The following VWC2 variants were observed in gnomAD, a reference collection of about 807,000 sequenced individuals.
The protein encoded by VWC2 is von Willebrand factor C domain containing 2.
A neutral mutation model predicts 29.8 loss-of-function variants in VWC2; 14 were observed. The ratio of observed to expected loss-of-function variants is 0.47; its 90% CI spans 0.31 to 0.74. VWC2 has a LOEUF of 0.74. VWC2 is among the 30% of genes least tolerant of loss of function. The probability of loss-of-function intolerance (pLI) is 0.05; values close to 1 mark genes in which losing one functional copy is unlikely to be tolerated. For synonymous variants in VWC2, 213 were observed against 199.0 expected, an observed-to-expected ratio of 1.07 and a Z score of -0.59; for missense variants, 457 against 459.8, an observed-to-expected ratio of 0.99 and a Z score of 0.05.
At chr7:49,856,040 A>G (rs1207066148) in intron 3 of VWC2, among the ~76,000 whole-genome samples, 1 of 152,202 alleles carries the variant, frequency 6.6e-6, no homozygotes, top group African/African-American at 2.4e-5. Context: ...GTTCAGGTAT[A>G]TAAGGCTGCC....
intron 3 of VWC2, among the ~76,000 whole-genome samples, chr7:49,809,028 G>A (rs938544913): frequency 1.3e-5 from 2 of 152,006 alleles, no homozygotes; most frequent in African/African-American, 4.8e-5. Context: ...TCAAAAATAG[G>A]AGCATAAATC....
rs528822070 is a variant in VWC2 at position 49,840,027 on chromosome 7, A to G, written c.826+37187A>G. Among the ~76,000 whole-genome samples the G allele has an allele frequency of 2.8e-4, 43 of 152,262 alleles. No individual in the cohort carries two copies. In the South Asian group the frequency reaches 3.5e-3, roughly 12 times the overall value. ...AGGAAATGGGTGCTGGGACGTGTCT[A>G]TCTCGCCTCATGGACAACCCTGGCC... is the stretch of plus-strand genomic sequence containing the variant. On this transcript the variant is annotated intron_variant, in intron 3 of 3. Transcript: ENST00000340652.
chr7:49,854,115 T>C (rs1790315413), intron 3 of VWC2, among the ~76,000 whole-genome samples: 1 of 152,150 alleles, frequency 6.6e-6, no homozygotes, highest in Admixed American at 6.5e-5. Flanking sequence ...AGTCTATCAT[T>C]GATGGACATT....
chr7:49,905,724 C>T (rs1793049200), intron 3 of VWC2, among the ~76,000 whole-genome samples: 1 of 152,136 alleles, frequency 6.6e-6, no homozygotes, highest in South Asian at 2.1e-4. Flanking sequence ...GGGCTGCATT[C>T]CCAGATGGTT....
chr7:49,863,874 TTATAA>T (rs1324429191), intron 3 of VWC2, among the ~76,000 whole-genome samples: 1 of 152,254 alleles, frequency 6.6e-6, no homozygotes, highest in East Asian at 1.9e-4. Flanking sequence ...CTTTTCTGTT[TTATAA>T]TATAAGCATT....
chr7:49,817,380 C>T (rs2128708615), intron 3 of VWC2, among the ~76,000 whole-genome samples: 1 of 152,342 alleles, frequency 6.6e-6, no homozygotes, highest in East Asian at 1.9e-4. Flanking sequence ...ACTTGAATTG[C>T]ATCCAAAACA....
At chr7:49,888,849 T>A (rs1488083536) in intron 3 of VWC2, among the ~76,000 whole-genome samples, 17 of 151,854 alleles carry the variant, frequency 1.1e-4, no homozygotes, top group Non-Finnish European at 1.5e-5. Context: ...AGGCGGAGGT[T>A]GCAGTGAGCT....
intron 3 of VWC2, among the ~76,000 whole-genome samples, chr7:49,879,657 A>G (rs1175209129): frequency 6.6e-6 from 1 of 152,008 alleles, no homozygotes; most frequent in African/African-American, 2.4e-5. Context: ...AAGGCCTTGT[A>G]CTGCAGTTTT....
intron 3 of VWC2, among the ~76,000 whole-genome samples, chr7:49,886,938 T>G (rs1247760199): frequency 1.3e-5 from 2 of 152,172 alleles, no homozygotes; most frequent in Admixed American, 1.3e-4. Context: ...TTAGTTATTT[T>G]TTTTTCTTTT....
At chr7:49,877,036 A>G (rs1296541653) in intron 3 of VWC2, among the ~76,000 whole-genome samples, 4 of 152,150 alleles carry the variant, frequency 2.6e-5, no homozygotes, top group Admixed American at 2.6e-4. Context: ...CTTGACCGTC[A>G]GTCTCCTCCA....
intron 2 of VWC2, among the ~76,000 whole-genome samples, chr7:49,776,412 TC>T (rs1346598627): frequency 6.6e-6 from 1 of 152,208 alleles, no homozygotes; most frequent in Non-Finnish European, 1.5e-5. Flanking sequence ...CCAACAGGTA[TC>T]GGAGGGACTT....
intron 3 of VWC2, among the ~76,000 whole-genome samples, chr7:49,861,872 T>C (rs1790664589): frequency 6.6e-6 from 1 of 152,248 alleles, no homozygotes; most frequent in South Asian, 2.1e-4. Flanking sequence ...CTTATGCCAG[T>C]ACCACACTGT....
At chr7:49,806,941 A>T (rs1490306199) in intron 3 of VWC2, among the ~76,000 whole-genome samples, 1 of 152,228 alleles carries the variant, frequency 6.6e-6, no homozygotes, top group Admixed American at 6.6e-5. Flanking sequence ...CAAAATGAAC[A>T]GTTGATTTTA....
At chr7:49,781,864 C>T (rs913412466) in intron 2 of VWC2, among the ~76,000 whole-genome samples, 2 of 152,018 alleles carry the variant, frequency 1.3e-5, no homozygotes, top group Non-Finnish European at 2.9e-5. Flanking sequence ...AGTCTTGAGT[C>T]GTAATGGGAC....
chr7:49,833,532 G>T (rs1219596927), intron 3 of VWC2, among the ~76,000 whole-genome samples: 2 of 152,154 alleles, frequency 1.3e-5, no homozygotes, highest in Non-Finnish European at 2.9e-5. Context: ...TGAGATAAAG[G>T]AGCAAGGTGG....
intron 3 of VWC2, among the ~76,000 whole-genome samples, chr7:49,854,130 T>C: frequency 6.6e-6 from 1 of 152,078 alleles, no homozygotes; most frequent in Non-Finnish European, 1.5e-5. Flanking sequence ...GACATTTGGG[T>C]TGGTTCCAAG....
In VWC2 at chr7:49,913,206, C is replaced by T. The variant is rs1219639248; in HGVS notation, c.*1021C>T. ...TGACTGATAACCTTGAATTAGCCAC[C>T]CTTCACAAGCAGAGTGAGGAAGCAG... is the stretch of plus-strand genomic sequence containing the variant. On this transcript the variant is annotated 3_prime_UTR_variant, in exon 4 of 4. Coordinates refer to ENST00000340652, the MANE Select transcript of VWC2 (RefSeq NM_198570.5). The T allele has an allele frequency of 6.6e-6, 1 of 152,108 alleles. No homozygotes were observed. The highest frequency in any genetic ancestry group is 2.4e-5 in the African/African-American group (1 of 41,406). The allele number at this position is 152,108 out of a possible 1,614,324, so 9.4% of individuals were successfully genotyped here. A position where few individuals can be genotyped will look rare whatever the true frequency, so the allele number is the denominator to read the frequency against.
chr7:49,805,687 T>C (rs1053984526), intron 3 of VWC2, among the ~76,000 whole-genome samples: 1 of 152,204 alleles, frequency 6.6e-6, no homozygotes, highest in Non-Finnish European at 1.5e-5. Flanking sequence ...ATAAACAATG[T>C]TCTTGTAAAA....
intron 3 of VWC2, among the ~76,000 whole-genome samples, chr7:49,806,212 C>T (rs935240542): frequency 2.0e-5 from 3 of 152,180 alleles, no homozygotes; most frequent in African/African-American, 7.2e-5. Context: ...TTTAGACATG[C>T]TTGTCTGCAT....
Sources: allele counts gnomAD v4.1 joint callset (sites outside exome capture counted in the v4.1 genomes callset), GRCh38; gene constraint gnomAD v4.1.1; transcripts MANE v1.5; gene names NCBI Gene and HGNC (gene_info 2026-07-23, HGNC 2026-07-21).